The following SPTB variants were observed in gnomAD, a reference collection of about 807,000 sequenced individuals.
SPTB encodes the protein spectrin beta chain, erythrocytic.
SPTB carries 45 observed loss-of-function variants against 256.2 expected under a neutral mutation model. The ratio of observed to expected loss-of-function variants is 0.18; its 90% CI spans 0.14 to 0.23. The LOEUF (loss-of-function observed/expected upper bound fraction) is 0.23, where lower values mean the gene tolerates loss of function less well. SPTB is among the 10% of genes least tolerant of loss of function. The pLI, the probability that SPTB is intolerant of heterozygous loss-of-function variation, is 1.00. For synonymous variants in SPTB, 1,231 were observed against 1,243.1 expected, an observed-to-expected ratio of 0.99 and a Z score of 0.21; for missense variants, 2,715 against 3,040.4, an observed-to-expected ratio of 0.89 and a Z score of 2.52.
At chr14:64,767,105 A>C (rs541431989) in intron 31 of SPTB, among the ~76,000 whole-genome samples, 198 bp downstream of exon 31, 54 of 152,280 alleles carry the variant, frequency 3.5e-4, no homozygotes, top group African/African-American at 1.3e-3. Flanking sequence ...CTCCCGCACC[A>C]GGCCTTCAGC....
chr14:64,843,103 C>T (rs886736506), intron 1 of SPTB, among the ~76,000 whole-genome samples: 10 of 152,148 alleles, frequency 6.6e-5, no homozygotes, highest in Non-Finnish European at 1.5e-4. Flanking sequence ...GAAGTAGAAA[C>T]TTTTTATCAT....
Position 64,747,229 on chromosome 14 carries a change from C to A in SPTB, c.*2077G>T, listed in dbSNP as rs1414445014. The A allele has an allele frequency of 6.6e-6, 1 of 152,476 alleles. No homozygotes were observed. The highest frequency in any genetic ancestry group is 1.5e-5 in the Non-Finnish European group (1 of 68,062). 9.4% of individuals were successfully genotyped at this position (152,476 alleles called of 1,614,324 possible). A position where few individuals can be genotyped will look rare whatever the true frequency, so the allele number is the denominator to read the frequency against. On this transcript the variant is annotated 3_prime_UTR_variant, in exon 36 of 36. Transcript: ENST00000644917. ...GGGAGGGTGGGCCCTTGTCCCTAGG[C>A]TCCCTAAAGACTGGCCCAGGGAAAC...
rs746676134 is a variant in SPTB, at chr14:64,823,114, C to A, written c.-20G>T. 15 of 1,613,208 alleles carry A rather than the reference C, an allele frequency of 9.3e-6. No individual in the cohort carries two copies. Among genetic ancestry groups the A allele is most frequent in the Middle Eastern group, 1.7e-4 (1 of 6,026 alleles). On this transcript the variant is annotated 5_prime_UTR_variant, in exon 2 of 36. Transcript: ENST00000644917. This position sits in a 1 kb window ranked among gnomAD's most constrained non-coding sequence, Gnocchi z 6.5. ...TGTCATGTCAGCAGGCTCTTAGCAG[C>A]TCCGCCTGCCTCAGTCTTCATGGAA...
At chr14:64,878,721 C>T (rs1882951753) in intron 1 of SPTB, among the ~76,000 whole-genome samples, 2 of 152,158 alleles carry the variant, frequency 1.3e-5, no homozygotes, top group Admixed American at 6.5e-5. Context: ...CTGGAGGTGA[C>T]AGCCTAGTCT....
At position 64,823,176 on chromosome 14, in the gene SPTB, T is replaced by C; in HGVS notation, c.-51-31A>G. 1 of 1,545,272 alleles carries C rather than the reference T, an allele frequency of 6.5e-7. No homozygotes were observed. ...GGACAGCAACACAGTCAGAGGGTTA[T>C]CTCTCTACCCCCTCGGACTTTTTCT... On this transcript the variant is annotated intron_variant, in intron 1 of 35. Coordinates refer to ENST00000644917, the MANE Select transcript of SPTB (RefSeq NM_001355436.2). The surrounding 1 kb of genome is among the most constrained non-coding windows in gnomAD (Gnocchi z 6.5).
At position 64,772,499 on chromosome 14, in the gene SPTB, T is replaced by A; in HGVS notation, c.5553+81A>T. On this transcript the variant is annotated intron_variant, in intron 26 of 35. Transcript: ENST00000644917. This position sits in a 1 kb window ranked among gnomAD's most constrained non-coding sequence, Gnocchi z 5.4. ...CTCCTGGCACTTATCCTAGAGGTTT[T>A]CCTGCTGACAGCCAGGTGGGGACTG... is the stretch of plus-strand genomic sequence containing the variant. 3.8e-6 allele frequency: 6 copies of A among 1,566,786 alleles called. No homozygotes were observed. The highest frequency in any genetic ancestry group is 5.2e-6 in the Non-Finnish European group (6 of 1,163,158).
At position 64,746,861 on chromosome 14, in the gene SPTB, T is replaced by G. The variant is rs2081852585; in HGVS notation, c.*2445A>C. On this transcript the variant is annotated 3_prime_UTR_variant, in exon 36 of 36. Coordinates refer to ENST00000644917, the MANE Select transcript of SPTB (RefSeq NM_001355436.2). This position sits in a 1 kb window ranked among gnomAD's most constrained non-coding sequence, Gnocchi z 4.9. Reference sequence around the variant, plus strand: ...CTGTGTCAACCTCGTTTGGGAATACTGTCAAAAGACTGTAGAGTAGAATAA... The same window carrying G: ...CTGTGTCAACCTCGTTTGGGAATACGGTCAAAAGACTGTAGAGTAGAATAA... The G allele has an allele frequency of 6.6e-6, 1 of 151,840 alleles. No homozygotes were observed. 9.4% of individuals were successfully genotyped at this position (151,840 alleles called of 1,614,324 possible).
At chr14:64,757,953 C>T (rs929432907) in intron 32 of SPTB, among the ~76,000 whole-genome samples, 1 of 152,174 alleles carries the variant, frequency 6.6e-6, no homozygotes. Context: ...CTGAGAAGCC[C>T]ACCCCTTCCC....
rs754940196 is a variant in SPTB at position 64,749,460 on chromosome 14, G to A, written c.6833C>T (p.Ser2278Phe). The change falls in exon 36 of 36, where the codon TCC (serine) becomes TTC (phenylalanine). Residue 2278 changes from serine (S) to phenylalanine (F), a missense_variant. Coordinates refer to ENST00000644917, the MANE Select transcript of SPTB (RefSeq NM_001355436.2). This position sits in a 1 kb window ranked among gnomAD's most constrained non-coding sequence, Gnocchi z 4.7. Reference sequence around the variant, plus strand: ...GGCGGTGCTCACGCCCTGCAGCCAGGACAGCATCTCCTCCTGCGGGGCGGA... The same window carrying A: ...GGCGGTGCTCACGCCCTGCAGCCAGAACAGCATCTCCTCCTGCGGGGCGGA... ...FHGKDEEEML[S>F]WLQGVSTAIN... 6 of 1,601,362 alleles carry A rather than the reference G, an allele frequency of 3.7e-6. No individual in the cohort carries two copies. Among genetic ancestry groups the A allele is most frequent in the Non-Finnish European group, 5.1e-6 (6 of 1,178,480 alleles).
At chr14:64,753,006 G>A (rs2081973406) in intron 33 of SPTB, among the ~76,000 whole-genome samples, 1 of 152,112 alleles carries the variant, frequency 6.6e-6, no homozygotes, top group Admixed American at 6.5e-5. Flanking sequence ...CCAGATGACA[G>A]CATTAGAAGG....
At chr14:64,783,399 G>A (rs995876443) in intron 19 of SPTB, among the ~76,000 whole-genome samples, 13 of 152,104 alleles carry the variant, frequency 8.5e-5, no homozygotes, top group African/African-American at 1.7e-4. Flanking sequence ...ATGGGATTTC[G>A]CCATGTTGGC....
rs1247926938 is a variant in SPTB, at chr14:64,823,943, A to G, written c.-51-798T>C. ...CCGTGCATTGTGAGTCCATGTGATG[A>G]ACCAGCGCATCAGGAGCACTGGGTC... On this transcript the variant is annotated intron_variant, in intron 1 of 35. Transcript: ENST00000644917. The surrounding 1 kb of genome is among the most constrained non-coding windows in gnomAD (Gnocchi z 6.5). Among the ~76,000 whole-genome samples, 1 of 152,208 alleles carries G rather than the reference A, an allele frequency of 6.6e-6. No homozygotes were observed. Among genetic ancestry groups the G allele is most frequent in the African/African-American group, 2.4e-5 (1 of 41,456 alleles).
At chr14:64,822,407 G>GAGAGAGGGTGGGGGTGGAGAATATCTT (rs1298095258) in intron 2 of SPTB, among the ~76,000 whole-genome samples, 1 of 13,058 alleles carries the variant, frequency 7.7e-5, no homozygotes, top group African/African-American at 1.6e-4. Flanking sequence ...CACACAGAGA[G>GAGAGAGGGTGGGGGTGGAGAATATCTT]ATCTATTATG....
In SPTB at chr14:64,792,075, G is replaced by A. The variant is rs866207072; in HGVS notation, c.2667-219C>T. On this transcript the variant is annotated intron_variant, in intron 14 of 35. Coordinates refer to ENST00000644917, the MANE Select transcript of SPTB (RefSeq NM_001355436.2). The surrounding 1 kb of genome is among the most constrained non-coding windows in gnomAD (Gnocchi z 4.2). ...GAGTTAGCATTGCCTGGAACAGGCC[G>A]GGAGAGAGCCAGTTACTTCCTACAC... 2.0e-5 allele frequency among the ~76,000 whole-genome samples: 3 copies of A among 152,178 alleles called. No homozygotes were observed. The highest frequency in any genetic ancestry group is 6.5e-5 in the Admixed American group (1 of 15,286).
chr14:64,787,272 C>G (rs897828535), intron 15 of SPTB, 112 bp from the exon 16 acceptor site: 5 of 1,382,786 alleles, frequency 3.6e-6, no homozygotes, highest in Non-Finnish European at 4.9e-6. Context: ...CCCCCACAGA[C>G]TTTGTATGAT....
At chr14:64,855,070 A>C (rs1327600164) in intron 1 of SPTB, among the ~76,000 whole-genome samples, 1 of 152,204 alleles carries the variant, frequency 6.6e-6, no homozygotes, top group Non-Finnish European at 1.5e-5. Context: ...TGGTCAAATG[A>C]CAGCAGAGAC....
In SPTB at chr14:64,767,866, G is replaced by T. The variant is rs777411311; in HGVS notation, c.6023-7C>A. The T allele has an allele frequency of 1.9e-6, 3 of 1,613,516 alleles. No individual in the cohort carries two copies. The highest frequency in any genetic ancestry group is 4.5e-5 in the East Asian group (2 of 44,866). Reference sequence around the variant, plus strand: ...AACTGGCACACCTCCAGCACTGCCAGGGGGAACAGGACACAGACCCCCCAC... The same window carrying T: ...AACTGGCACACCTCCAGCACTGCCATGGGGAACAGGACACAGACCCCCCAC... On this transcript the variant is annotated splice_polypyrimidine_tract_variant and splice_region_variant and intron_variant, in intron 29 of 35. Transcript: ENST00000644917.
chr14:64,769,893 G>A (rs2082252874), intron 27 of SPTB, among the ~76,000 whole-genome samples, 165 bp from the exon 28 acceptor site: 1 of 152,212 alleles, frequency 6.6e-6, no homozygotes, highest in Admixed American at 6.5e-5. Flanking sequence ...AGCCCCAGCA[G>A]GAACACAGAT....
Position 64,790,010 on chromosome 14 carries a change from G to C in SPTB, c.2804+1709C>G, listed in dbSNP as rs1425882817. On this transcript the variant is annotated intron_variant, in intron 15 of 35. Coordinates refer to ENST00000644917, the MANE Select transcript of SPTB (RefSeq NM_001355436.2). This position sits in a 1 kb window ranked among gnomAD's most constrained non-coding sequence, Gnocchi z 4.8. ...ACGGAAGAGGAACCAGGGTAAGTGT[G>C]ATATCTCTCAAGGGCAGAGCCAGAA... 1.3e-5 allele frequency among the ~76,000 whole-genome samples: 2 copies of C among 152,206 alleles called. No individual in the cohort carries two copies. The highest frequency in any genetic ancestry group is 2.9e-5 in the Non-Finnish European group (2 of 68,038).
Sources: allele counts gnomAD v4.1 joint callset (sites outside exome capture counted in the v4.1 genomes callset), GRCh38; gene constraint gnomAD v4.1.1; non-coding constraint Gnocchi (gnomAD v3.1); transcripts MANE v1.5; gene names NCBI Gene and HGNC (gene_info 2026-07-23, HGNC 2026-07-21).